The following PTPRH variants were observed in gnomAD, a reference collection of about 807,000 sequenced individuals.
The protein encoded by PTPRH is receptor-type tyrosine-protein phosphatase H.
In PTPRH, 113 loss-of-function variants were observed where a neutral mutation model predicts 130.2. The ratio of observed to expected loss-of-function variants is 0.87; its 90% CI spans 0.75 to 1.01. PTPRH has a LOEUF of 1.01. Among genes scored for constraint, PTPRH ranks in the 50% least tolerant of loss-of-function variants. PTPRH has a pLI of 0.00. For synonymous variants in PTPRH, 556 were observed against 577.9 expected, an observed-to-expected ratio of 0.96 and a Z score of 0.54; for missense variants, 1,430 against 1,425.0, an observed-to-expected ratio of 1.00 and a Z score of -0.06.
In PTPRH at chr19:55,185,634, C is replaced by G; in HGVS notation, c.2930G>C (p.Arg977Pro). ...CGGCCAGGCCTGGTAGTGGAATTGG[C>G]GCACAGACAGTGTCTTCTGCTCCTC... ...QVEEQKTLSV[R>P]QFHYQAWPDH... The change falls in exon 18 of 20, where the codon CGC becomes CCC. Residue 977 changes from arginine to proline, a missense_variant. Coordinates refer to ENST00000376350, the MANE Select transcript of PTPRH (RefSeq NM_002842.5). 1 of 1,614,136 alleles carries G rather than the reference C, an allele frequency of 6.2e-7. No homozygotes were observed. Among genetic ancestry groups the G allele is most frequent in the Non-Finnish European group, 8.5e-7 (1 of 1,180,004 alleles).
At chr19:55,186,079 G>A in intron 16 of PTPRH, 95 bp from the exon 17 acceptor site, 2 of 1,595,302 alleles carry the variant, frequency 1.3e-6, no homozygotes, top group East Asian at 2.2e-5. Context: ...AGATGGGCTG[G>A]GGGGAGAGTG....
chr19:55,205,390 C>T lies in PTPRH; in HGVS notation c.555G>A (p.Ala185=), dbSNP rs755391293. The change falls in exon 4 of 20, where the codon GCG becomes GCA. Residue 185 remains alanine (A), a synonymous_variant. Transcript: ENST00000376350. ...CATTCTTTCCCACCCACATGGAAAA[C>T]GCATACAAACACCCGGGTTCAAGTC... The part of the protein sequence containing the change: ...VDGLEPGCLY[A]FSMWVGKNGI... The T allele has an allele frequency of 4.3e-6, 7 of 1,614,062 alleles. No individual in the cohort carries two copies. Among genetic ancestry groups the T allele is most frequent in the East Asian group, 4.5e-5 (2 of 44,900 alleles).
At chr19:55,185,119 T>C (rs539902238) in intron 18 of PTPRH, among the ~76,000 whole-genome samples, 2,604 of 151,890 alleles carry the variant, frequency 0.017, 83 homozygotes, top group African/African-American at 0.059. Context: ...CTCAGCCTCC[T>C]GAGTAGCTGG....
chr19:55,194,193 G>A (rs570816517), intron 10 of PTPRH: 2 of 1,289,520 alleles, frequency 1.6e-6, no homozygotes, highest in East Asian at 5.5e-5. Context: ...TGATGGCACA[G>A]TTCTCCCAAG....
intron 10 of PTPRH, among the ~76,000 whole-genome samples, chr19:55,194,769 C>G (rs1219857526): frequency 6.6e-6 from 1 of 152,008 alleles, no homozygotes; most frequent in Non-Finnish European, 1.5e-5. Flanking sequence ...GGGTATAGAC[C>G]CAAGAGAAAT....
At chr19:55,190,593 TTTATATA>T (rs559000975) in intron 12 of PTPRH, among the ~76,000 whole-genome samples, 11,571 of 135,274 alleles carry the variant, frequency 0.086, 560 homozygotes, top group Middle Eastern at 0.16. Context: ...ATATTATAAA[TTTATATA>T]TTATATATTA....
chr19:55,207,577 G>A (rs981468632), intron 1 of PTPRH, among the ~76,000 whole-genome samples: 23 of 151,912 alleles, frequency 1.5e-4, no homozygotes, highest in African/African-American at 5.3e-4. Context: ...TGGAGGGCCT[G>A]GGGGCCTGGG....
chr19:55,185,457 A>G, intron 18 of PTPRH, 45 bp downstream of exon 18: 1 of 1,601,732 alleles, frequency 6.2e-7, no homozygotes, highest in Non-Finnish European at 8.5e-7. Context: ...CTGAGCCCCA[A>G]GGGAGCGGTT....
chr19:55,200,619 G>C, intron 6 of PTPRH, 117 bp from the exon 7 acceptor site: 1 of 1,150,004 alleles, frequency 8.7e-7, no homozygotes, highest in Non-Finnish European at 1.2e-6. Flanking sequence ...GGTGCCAGCA[G>C]ATGCAGGGTG....
At chr19:55,199,748 G>A (rs202026486) in intron 7 of PTPRH, among the ~76,000 whole-genome samples, 12,624 of 143,652 alleles carry the variant, frequency 0.088, 1,109 homozygotes, top group Admixed American at 0.26. Flanking sequence ...GGAAAGAGAA[G>A]GAAAGAAAGA....
chr19:55,199,637 A>G (rs2086792733), intron 7 of PTPRH, among the ~76,000 whole-genome samples: 1 of 151,538 alleles, frequency 6.6e-6, no homozygotes, highest in Admixed American at 6.6e-5. Context: ...GAAAGAAAGA[A>G]AAGAAAGAAG....
chr19:55,183,614 C>T (rs10412231), intron 18 of PTPRH, among the ~76,000 whole-genome samples: 4,079 of 152,094 alleles, frequency 0.027, 173 homozygotes, highest in African/African-American at 0.094. Flanking sequence ...TTCCCAGCTA[C>T]TCAAGAGGCT....
At position 55,200,142 on chromosome 19, in the gene PTPRH, G is replaced by A. The variant is rs572579949; in HGVS notation, c.1420+94C>T. ...GAGGCAGATGTCTGCAGAGCCTACG[G>A]ACTACAGAGCCAGAGCCCAGAAGAG... On this transcript the variant is annotated intron_variant, in intron 7 of 19. Coordinates refer to ENST00000376350, the MANE Select transcript of PTPRH (RefSeq NM_002842.5). The A allele has an allele frequency of 3.6e-6, 5 of 1,394,168 alleles. No homozygotes were observed. The African/African-American group carries it at 7.1e-5, about 20-fold the overall frequency. 86.4% of individuals were successfully genotyped at this position (1,394,168 alleles called of 1,614,324 possible).
chr19:55,192,105 A>G (rs1193270796), intron 10 of PTPRH: 1 of 399,440 alleles, frequency 2.5e-6, no homozygotes, highest in East Asian at 6.8e-5. Context: ...GATTATAAGA[A>G]TACAGCATAT....
intron 12 of PTPRH, among the ~76,000 whole-genome samples, chr19:55,189,950 C>T (rs570067819): frequency 3.4e-4 from 51 of 151,902 alleles, no homozygotes; most frequent in South Asian, 2.5e-3. Flanking sequence ...GCTATGATTG[C>T]GCCACTGCAC....
Position 55,209,253 on chromosome 19 carries a change from A to C in PTPRH, c.51+130T>G. The C allele has an allele frequency of 1.2e-6, 1 of 802,844 alleles. No individual in the cohort carries two copies. Among genetic ancestry groups the C allele is most frequent in the Admixed American group, 2.0e-5 (1 of 48,992 alleles). 49.7% of individuals were successfully genotyped at this position (802,844 alleles called of 1,614,324 possible). On this transcript the variant is annotated intron_variant, in intron 1 of 19. Transcript: ENST00000376350. The surrounding 1 kb of genome is among the most constrained non-coding windows in gnomAD (Gnocchi z 4.1). Reference sequence around the variant, plus strand: ...CTCCTACAGTCTCTGCCAAGCCTGAAGCCCTCTTCCTTCTCCAGGGGATCT... The same window carrying C: ...CTCCTACAGTCTCTGCCAAGCCTGACGCCCTCTTCCTTCTCCAGGGGATCT...
chr19:55,188,468 G>T (rs373656441), intron 12 of PTPRH, among the ~76,000 whole-genome samples: 1 of 152,062 alleles, frequency 6.6e-6, no homozygotes, highest in Admixed American at 6.5e-5. Flanking sequence ...AACCGAGATC[G>T]CACCACTGCA....
chr19:55,191,453 T>G, intron 12 of PTPRH, 48 bp downstream of exon 12: 1 of 1,605,976 alleles, frequency 6.2e-7, no homozygotes, highest in Non-Finnish European at 8.5e-7. Flanking sequence ...AAACACCCCT[T>G]GATTTGACCA....
chr19:55,194,870 C>G (rs961174070), intron 10 of PTPRH, among the ~76,000 whole-genome samples: 1 of 152,098 alleles, frequency 6.6e-6, no homozygotes, highest in East Asian at 1.9e-4. Context: ...ACTGACCCAT[C>G]AACTGGATCA....
Sources: gnomAD v4.1 joint callset for allele counts (sites outside exome capture counted in the v4.1 genomes callset) on GRCh38, gnomAD v4.1.1 for gene constraint, Gnocchi (gnomAD v3.1) non-coding constraint, MANE v1.5 for transcripts, NCBI Gene and HGNC (gene_info 2026-07-23, HGNC 2026-07-21) for gene names.